ARHGEF4: variants seen among roughly 807,000 people sequenced by gnomAD.
ARHGEF4 encodes the protein APC-stimulated guanine nucleotide exchange factor 1.
In ARHGEF4, 119 loss-of-function variants were observed where a neutral mutation model predicts 162.0. The observed-to-expected ratio is 0.73, with a 90% CI of 0.63 to 0.86. The LOEUF is 0.86. ARHGEF4 is among the 40% of genes least tolerant of loss of function. The pLI is 0.00. For synonymous variants in ARHGEF4, 1,014 were observed against 979.9 expected, an observed-to-expected ratio of 1.03 and a Z score of -0.65; for missense variants, 2,488 against 2,456.0, an observed-to-expected ratio of 1.01 and a Z score of -0.28.
In ARHGEF4 at chr2:131,045,859, C is replaced by T. The variant is rs922124993; in HGVS notation, c.5480-179C>T. On this transcript the variant is annotated intron_variant, in intron 13 of 13. Transcript: ENST00000409359. The stretch of plus-strand genomic sequence containing the variant: ...GGAGGCCAGGCCCAGGCCAGAGACC[C>T]CAGGCAGCCTGAGCTCTTGGATGTG... 71 of 1,475,692 alleles carry T rather than the reference C, an allele frequency of 4.8e-5. No homozygotes were observed. In the Admixed American group the frequency reaches 1.4e-3, roughly 28 times the overall value. The allele number at this position is 1,475,692 out of a possible 1,614,324, so 91.4% of individuals were successfully genotyped here.
intron 4 of ARHGEF4, among the ~76,000 whole-genome samples, chr2:130,978,594 G>A (rs1335545286): frequency 6.6e-6 from 1 of 152,098 alleles, no homozygotes; most frequent in Non-Finnish European, 1.5e-5. Context: ...AAGAAAACAT[G>A]GTCTTTGTGC....
Position 131,046,320 on chromosome 2 carries a change from GCCA to G in ARHGEF4, c.*135_*137del. The G allele has an allele frequency of 1.0e-6, 1 of 969,514 alleles. No homozygotes were observed. Among genetic ancestry groups the G allele is most frequent in the Non-Finnish European group, 1.5e-6 (1 of 661,816 alleles). The allele number at this position is 969,514 out of a possible 1,614,324, so 60.1% of individuals were successfully genotyped here. A position where few individuals can be genotyped will look rare whatever the true frequency, so the allele number is the denominator to read the frequency against. Reference sequence around the variant, plus strand: ...AGGGATGGGCTGGGGAGTTGCTTGTGCCACCAAGACGTGCCAGGTCTGTACTCC... The same window carrying G: ...AGGGATGGGCTGGGGAGTTGCTTGTGCCAAGACGTGCCAGGTCTGTACTCC... On this transcript the variant is annotated 3_prime_UTR_variant, in exon 14 of 14. Coordinates refer to ENST00000409359, the MANE Select transcript of ARHGEF4 (RefSeq NM_001367493.1).
chr2:130,990,427 G>T (rs990664666), intron 4 of ARHGEF4, among the ~76,000 whole-genome samples: 1 of 151,958 alleles, frequency 6.6e-6, no homozygotes, highest in Admixed American at 6.6e-5. Flanking sequence ...TAGCTTCTTG[G>T]TGAGTTTTAG....
At chr2:131,021,812 T>C (rs1689154754) in intron 4 of ARHGEF4, among the ~76,000 whole-genome samples, 1 of 152,254 alleles carries the variant, frequency 6.6e-6, no homozygotes, top group Non-Finnish European at 1.5e-5. Flanking sequence ...TTTTCATATG[T>C]GGCCTTTATC....
intron 1 of ARHGEF4, among the ~76,000 whole-genome samples, chr2:130,895,374 C>T (rs1379997121): frequency 6.6e-6 from 1 of 152,218 alleles, no homozygotes; most frequent in Non-Finnish European, 1.5e-5. Context: ...ATGACTGCCT[C>T]TGCTATGAGC....
chr2:130,912,497 T>C (rs1681245586), intron 1 of ARHGEF4, among the ~76,000 whole-genome samples: 1 of 152,218 alleles, frequency 6.6e-6, no homozygotes, highest in Admixed American at 6.5e-5. Flanking sequence ...GCACTGGCTT[T>C]GGTGTGTGTT....
intron 3 of ARHGEF4, among the ~76,000 whole-genome samples, chr2:130,936,905 C>CTTTTTTTTTTTTTTTTTTTTTTTTTT (rs36086542): frequency 1.3e-4 from 11 of 82,330 alleles, no homozygotes; most frequent in African/African-American, 2.3e-4. Flanking sequence ...TTTCTTTTTT[C>CTTTTTTTTTTTTTTTTTTTTTTTTTT]TTTTTTTTTT....
chr2:130,995,727 G>T (rs965260016), intron 4 of ARHGEF4, among the ~76,000 whole-genome samples: 2 of 152,082 alleles, frequency 1.3e-5, no homozygotes, highest in African/African-American at 4.8e-5. Context: ...GCTGAGCCAC[G>T]TCCTGCAGGG....
chr2:130,848,291 G>A (rs1054947845), intron 1 of ARHGEF4, among the ~76,000 whole-genome samples: 6 of 152,170 alleles, frequency 3.9e-5, no homozygotes, highest in South Asian at 2.1e-4. Flanking sequence ...CACCTTGTGC[G>A]CTGCCCCAGC....
intron 4 of ARHGEF4, among the ~76,000 whole-genome samples, chr2:130,985,555 AG>A (rs1686424962): frequency 6.6e-6 from 1 of 152,026 alleles, no homozygotes; most frequent in Admixed American, 6.6e-5. Flanking sequence ...GGGAGGGGCA[AG>A]GAGGCATCTG....
intron 9 of ARHGEF4, 39 bp from the exon 10 acceptor site, chr2:131,041,776 T>G (rs10206074): frequency 1.2e-6 from 2 of 1,603,300 alleles, no homozygotes; most frequent in South Asian, 2.2e-5. Context: ...TTTCTCTGTC[T>G]CCAGCCTGCA....
chr2:130,895,911 T>C (rs1680124670), intron 1 of ARHGEF4, among the ~76,000 whole-genome samples: 1 of 152,164 alleles, frequency 6.6e-6, no homozygotes, highest in African/African-American at 2.4e-5. Flanking sequence ...TCCAATATCA[T>C]GGAGATTTTC....
intron 1 of ARHGEF4, among the ~76,000 whole-genome samples, chr2:130,851,405 C>G (rs1035871442): frequency 2.6e-5 from 4 of 152,246 alleles, no homozygotes; most frequent in African/African-American, 9.6e-5. Context: ...AAGCTCACAT[C>G]TTCCCATGAG....
chr2:130,915,696 C>G lies in ARHGEF4; in HGVS notation c.1750C>G (p.Gln584Glu), dbSNP rs1681440584. 2.6e-6 allele frequency: 4 copies of G among 1,550,244 alleles called. 1 individual carries two copies. In the South Asian group the frequency reaches 4.8e-5, roughly 18 times the overall value. Residue 584 changes from glutamine (Q) to glutamate (E), a missense_variant, in exon 2 of 14, where the codon CAA becomes GAA. Gln to Glu is a conservative substitution (Grantham distance 29). This residue lies in a region of ARHGEF4 where 1,642 missense variants were observed against 1,481.5 expected (regional missense o/e 1.11). Transcript: ENST00000409359. ...CCCCAACTACAGGGAACAGGCTTTG[C>G]AAGGTCTTTCAGAATTCAAGGCAGC... ...LDPNYREQAL[Q>E]GLSEFKAATV...
intron 1 of ARHGEF4, among the ~76,000 whole-genome samples, chr2:130,897,404 TC>T (rs1170221692): frequency 1.3e-5 from 2 of 152,178 alleles, no homozygotes; most frequent in Non-Finnish European, 2.9e-5. Flanking sequence ...CTGAGAGGAT[TC>T]GTAGGTGCTT....
intron 1 of ARHGEF4, among the ~76,000 whole-genome samples, chr2:130,912,722 A>G (rs1469137805): frequency 2.0e-5 from 3 of 152,126 alleles, no homozygotes; most frequent in East Asian, 1.9e-4. Context: ...ACTGCTGTGC[A>G]CAGCAGTTTG....
intron 4 of ARHGEF4, among the ~76,000 whole-genome samples, chr2:131,007,995 T>C (rs547499282): frequency 3.3e-5 from 5 of 151,970 alleles, no homozygotes; most frequent in African/African-American, 1.2e-4. Context: ...GTATTTTTAG[T>C]AGAGACAGGG....
At chr2:130,954,870 T>C (rs924931159) in intron 4 of ARHGEF4, among the ~76,000 whole-genome samples, 2 of 152,168 alleles carry the variant, frequency 1.3e-5, no homozygotes, top group African/African-American at 4.8e-5. Context: ...TTGAATATTT[T>C]CCCCTTCCCC....
At chr2:130,987,893 G>A (rs1558811441) in intron 4 of ARHGEF4, among the ~76,000 whole-genome samples, 1 of 152,188 alleles carries the variant, frequency 6.6e-6, no homozygotes, top group South Asian at 2.1e-4. Context: ...TTGGAGTACT[G>A]TAAGGGAAGC....
Sources: gnomAD v4.1 joint callset for allele counts (sites outside exome capture counted in the v4.1 genomes callset) on GRCh38, gnomAD v4.1.1 for gene constraint, gnomAD v4.1.1 regional missense constraint, MANE v1.5 for transcripts, NCBI Gene and HGNC (gene_info 2026-07-23, HGNC 2026-07-21) for gene names.